WT1: variants seen among roughly 807,000 people sequenced by gnomAD.
The protein encoded by WT1 is WT1 transcription factor, also known as Wilms tumor protein.
WT1 carries 8 observed loss-of-function variants against 60.8 expected under a neutral mutation model. That is an observed-to-expected ratio of 0.13 (90% confidence interval 0.08 to 0.24). WT1 has a LOEUF of 0.24. WT1 is among the 10% of genes least tolerant of loss of function. The probability of loss-of-function intolerance (pLI) is 1.00; values close to 1 mark genes in which losing one functional copy is unlikely to be tolerated. For synonymous variants in WT1, 312 were observed against 297.1 expected (o/e 1.05, Z -0.52); for missense variants, 568 against 711.8 (o/e 0.80, Z 2.30).
chr11:32,420,364 T>C (rs73475541), intron 3 of WT1, among the ~76,000 whole-genome samples: 4,609 of 152,268 alleles, frequency 0.03, 228 homozygotes, highest in African/African-American at 0.1. Context: ...GGAATATTAA[T>C]CTCCATCAGT....
intron 3 of WT1, among the ~76,000 whole-genome samples, chr11:32,422,502 C>T (rs1378480716): frequency 2.0e-5 from 3 of 152,202 alleles, no homozygotes; most frequent in Non-Finnish European, 4.4e-5. Flanking sequence ...CATAGGTACA[C>T]AAGTGAAAAG....
rs905888905 is a variant in WT1 at position 32,417,566 on chromosome 11, G to T, written c.965+11C>A. ...TACTGTGGAAAGGCAATGGAATAGA[G>T]AAAACCTTACCCCTTTAAGGTGGCT... is the stretch of plus-strand genomic sequence containing the variant. On this transcript the variant is annotated intron_variant, in intron 4 of 9. Coordinates refer to ENST00000452863, the MANE Select transcript of WT1 (RefSeq NM_024426.6). 8.1e-6 allele frequency: 13 copies of T among 1,611,984 alleles called. No individual in the cohort carries two copies. The highest frequency in any genetic ancestry group is 1.3e-5 in the African/African-American group (1 of 74,878).
chr11:32,389,183 T>C lies in WT1; in HGVS notation c.1448-4A>G, dbSNP rs1851746635. On this transcript the variant is annotated splice_region_variant and splice_polypyrimidine_tract_variant and intron_variant, in intron 9 of 9. Coordinates refer to ENST00000452863, the MANE Select transcript of WT1 (RefSeq NM_024426.6). ...CGACAGCTGAAGGGCTTTTCACCTG[T>C]TGACACAATTGCCAGTCAGAGACAC... The C allele has an allele frequency of 1.9e-6, 3 of 1,613,888 alleles. No homozygotes were observed. The highest frequency in any genetic ancestry group is 1.3e-5 in the African/African-American group (1 of 74,908).
At chr11:32,424,941 G>A (rs1852976958) in intron 3 of WT1, among the ~76,000 whole-genome samples, 1 of 152,146 alleles carries the variant, frequency 6.6e-6, no homozygotes, top group Non-Finnish European at 1.5e-5. Context: ...ACTTTTCGAG[G>A]CCAAGGTGGG....
Position 32,430,486 on chromosome 11 carries a change from G to GAGAGAGAC in WT1, c.662-1868_662-1867insGTCTCTCT, listed in dbSNP as rs761622301. 5.7e-6 allele frequency: 9 copies of GAGAGAGAC among 1,573,686 alleles called. No homozygotes were observed. The African/African-American group carries it at 1.1e-4, about 20-fold the overall frequency. On this transcript the variant is annotated intron_variant, in intron 1 of 9. Transcript: ENST00000452863. ...AGAGAGAGAGAGAGAGAGAGAGAGA[G>GAGAGAGAC]AGAGACGAAATAGAAGCTACGAAGA...
chr11:32,427,896 G>A lies in WT1; in HGVS notation c.887+60C>T, dbSNP rs1853109861. ...CGGCTGGGGCGTTCCCAAGTCCGCC[G>A]GCTCATGCGTCCCCTCCGGGGTCCC... On this transcript the variant is annotated intron_variant, in intron 3 of 9. Coordinates refer to ENST00000452863, the MANE Select transcript of WT1 (RefSeq NM_024426.6). 7 of 1,514,452 alleles carry A rather than the reference G, an allele frequency of 4.6e-6. No individual in the cohort carries two copies. In the South Asian group the frequency reaches 8.6e-5, roughly 19 times the overall value. The allele number at this position is 1,514,452 out of a possible 1,614,324, so 93.8% of individuals were successfully genotyped here.
chr11:32,405,727 T>C (rs978799525), intron 5 of WT1, among the ~76,000 whole-genome samples: 4 of 152,258 alleles, frequency 2.6e-5, no homozygotes, highest in African/African-American at 9.6e-5. Flanking sequence ...TAAATCACAG[T>C]GCTTGGTATG....
intron 1 of WT1, among the ~76,000 whole-genome samples, chr11:32,429,260 C>A (rs5030158): frequency 0.11 from 16,565 of 152,196 alleles, 1,319 homozygotes; most frequent in African/African-American, 0.22. Flanking sequence ...GGCGACCCTG[C>A]GCTCTCCTCC....
intron 1 of WT1, among the ~76,000 whole-genome samples, chr11:32,429,462 T>TCCCC (rs10580209): frequency 2.4e-5 from 3 of 124,716 alleles, no homozygotes; most frequent in African/African-American, 5.9e-5. Context: ...ATCCTAGCAT[T>TCCCC]CCCCCCCCCC....
chr11:32,393,847 T>C (rs746039526), intron 7 of WT1, among the ~76,000 whole-genome samples: 1 of 152,220 alleles, frequency 6.6e-6, no homozygotes, highest in Middle Eastern at 3.2e-3. Context: ...TCTACAATTC[T>C]ACAATTCTTC....
chr11:32,432,997 G>A (rs1026532257), intron 1 of WT1, among the ~76,000 whole-genome samples: 1 of 152,292 alleles, frequency 6.6e-6, no homozygotes, highest in South Asian at 2.1e-4. Context: ...ATGGGTTGCC[G>A]AGTTCCATAT....
rs551997180 is a variant in WT1, at chr11:32,414,872, CAAAAAA to C, written c.1016+1612_1016+1617del. Among the ~76,000 whole-genome samples the C allele has an allele frequency of 5.6e-5, 5 of 88,764 alleles. 1 individual carries two copies. The highest frequency in any genetic ancestry group is 1.8e-4 in the African/African-American group (5 of 27,276). The allele number at this position is 88,764 out of a possible 152,430, so 58.2% of individuals were successfully genotyped here. On this transcript the variant is annotated intron_variant, in intron 5 of 9. Coordinates refer to ENST00000452863, the MANE Select transcript of WT1 (RefSeq NM_024426.6). The stretch of plus-strand genomic sequence containing the variant: ...TGGGTGACAGAGTGGGACTCCATAT[CAAAAAA>C]AAAAAAAAAAAGAAATACATTTTTA...
At chr11:32,394,958 C>A (rs752038803) in intron 7 of WT1, among the ~76,000 whole-genome samples, 1 of 152,218 alleles carries the variant, frequency 6.6e-6, no homozygotes, top group Non-Finnish European at 1.5e-5. Context: ...TTCCTTATAA[C>A]CTTGACAGTC....
intron 9 of WT1, among the ~76,000 whole-genome samples, chr11:32,389,559 G>C (rs764944360): frequency 6.6e-6 from 1 of 152,160 alleles, no homozygotes; most frequent in African/African-American, 2.4e-5. Context: ...GTTGGGAACT[G>C]AGATGAACTG....
chr11:32,425,489 A>C (rs1831321594), intron 3 of WT1, among the ~76,000 whole-genome samples: 1 of 152,244 alleles, frequency 6.6e-6, no homozygotes, highest in South Asian at 2.1e-4. Context: ...GTTTAGGAGT[A>C]GGAAAGAGGG....
intron 3 of WT1, among the ~76,000 whole-genome samples, chr11:32,419,340 A>G (rs1267516281): frequency 6.6e-6 from 1 of 152,218 alleles, no homozygotes; most frequent in African/African-American, 2.4e-5. Context: ...CAATCCATTT[A>G]TTAATCTTAC....
intron 3 of WT1, among the ~76,000 whole-genome samples, chr11:32,426,360 G>A (rs1853035901): frequency 6.6e-6 from 1 of 152,230 alleles, no homozygotes; most frequent in Non-Finnish European, 1.5e-5. Context: ...CCCTGGCAAT[G>A]GGCAGGAGCA....
chr11:32,390,916 G>C (rs1466264943), intron 9 of WT1, among the ~76,000 whole-genome samples: 1 of 152,164 alleles, frequency 6.6e-6, no homozygotes, highest in African/African-American at 2.4e-5. Flanking sequence ...AATTATTATT[G>C]CCTCAGTCTC....
At position 32,407,405 on chromosome 11, in the gene WT1, CAGA is replaced by C. The variant is rs141763039; in HGVS notation, c.1017-7364_1017-7362del. 6.7e-3 allele frequency among the ~76,000 whole-genome samples: 1,019 copies of C among 152,158 alleles called. 16 individuals are homozygous for C. Among genetic ancestry groups the C allele is most frequent in the South Asian group, 0.058 (277 of 4,812 alleles). ...GAGCCGCCCTGGAATCCCTTATCAACAGAAGAAGTAAAAGAGAGAAAAGAAAAA... is the reference window on the plus strand; with the variant it reads ...GAGCCGCCCTGGAATCCCTTATCAACAGAAGTAAAAGAGAGAAAAGAAAAA... On this transcript the variant is annotated intron_variant, in intron 5 of 9. Coordinates refer to ENST00000452863, the MANE Select transcript of WT1 (RefSeq NM_024426.6).
Sources: gnomAD v4.1 joint callset for allele counts (sites outside exome capture counted in the v4.1 genomes callset) on GRCh38, gnomAD v4.1.1 for gene constraint, MANE v1.5 for transcripts, NCBI Gene and HGNC (gene_info 2026-07-23, HGNC 2026-07-21) for gene names.